KRIT1: variants seen among roughly 807,000 people sequenced by gnomAD.
The protein encoded by KRIT1 is KRIT1 ankyrin repeat containing, also known as krev interaction trapped protein 1.
In KRIT1, 45 loss-of-function variants were observed where a neutral mutation model predicts 95.8. That is an observed-to-expected ratio of 0.47 (90% CI 0.37 to 0.60). KRIT1 has a LOEUF of 0.60. Ranked by LOEUF, KRIT1 falls within the 20% of genes least tolerant of loss-of-function variation. The pLI is 0.00. For synonymous variants in KRIT1, 282 were observed against 278.8 expected (o/e 1.01, Z -0.11); for missense variants, 788 against 877.5 (o/e 0.90, Z 1.29).
chr7:92,242,246 C>T, intron 3 of KRIT1, 109 bp from the exon 4 acceptor site: 4 of 720,752 alleles, frequency 5.5e-6, no homozygotes, highest in Non-Finnish European at 9.9e-6. Context: ...TCCACATAAT[C>T]ATGTCGAAAA....
At chr7:92,239,981 T>C (rs1444795124) in intron 5 of KRIT1, among the ~76,000 whole-genome samples, 2 of 152,182 alleles carry the variant, frequency 1.3e-5, no homozygotes, top group East Asian at 3.9e-4. Flanking sequence ...AGTGCTGGGA[T>C]TACAGACGTG....
Position 92,214,593 on chromosome 7 carries a change from A to G in KRIT1, c.1730+18T>C. On this transcript the variant is annotated intron_variant, in intron 15 of 18. Transcript: ENST00000394505. The stretch of plus-strand genomic sequence containing the variant: ...TCTTAAGCATAGCACAAGACCATGC[A>G]TAATATTAAATACTTACTTTAGGAA... The G allele has an allele frequency of 6.4e-7, 1 of 1,567,126 alleles. No homozygotes were observed. The highest frequency in any genetic ancestry group is 2.2e-5 in the East Asian group (1 of 44,474).
At chr7:92,200,971 T>G (rs1790003768) in intron 18 of KRIT1, among the ~76,000 whole-genome samples, 167 bp from the exon 19 acceptor site, 1 of 152,106 alleles carries the variant, frequency 6.6e-6, no homozygotes, top group Non-Finnish European at 1.5e-5. Context: ...CTTTTTGAAG[T>G]GACTTAAGAA....
rs546739604 is a variant in KRIT1, at chr7:92,226,452, A to G, written c.1146+74T>C. On this transcript the variant is annotated intron_variant, in intron 11 of 18. Transcript: ENST00000394505. ...TTTCAGATGAACTCTCAAACATACAATTTAACATTTTAGTGTCATTACTTG... is the reference window on the plus strand; with the variant it reads ...TTTCAGATGAACTCTCAAACATACAGTTTAACATTTTAGTGTCATTACTTG... The G allele has an allele frequency of 9.1e-5, 103 of 1,131,822 alleles. No individual in the cohort carries two copies. The African/African-American group carries it at 1.3e-3, about 15-fold the overall frequency. The allele number at this position is 1,131,822 out of a possible 1,614,324, so 70.1% of individuals were successfully genotyped here. A position where few individuals can be genotyped will look rare whatever the true frequency, so the allele number is the denominator to read the frequency against.
chr7:92,243,604 T>C (rs1015148148), intron 3 of KRIT1, among the ~76,000 whole-genome samples: 7 of 152,142 alleles, frequency 4.6e-5, no homozygotes, highest in African/African-American at 1.7e-4. Flanking sequence ...AAAATGTCAC[T>C]CTGTAACTTT....
At position 92,205,344 on chromosome 7, in the gene KRIT1, TCAA is replaced by T. The variant is rs375841118; in HGVS notation, c.2026-3924_2026-3922del. 9.2e-5 allele frequency among the ~76,000 whole-genome samples: 14 copies of T among 151,654 alleles called. 1 individual carries two copies. Among genetic ancestry groups the T allele is most frequent in the African/African-American group, 2.4e-4 (10 of 41,360 alleles). On this transcript the variant is annotated intron_variant, in intron 17 of 18. Coordinates refer to ENST00000394505, the MANE Select transcript of KRIT1 (RefSeq NM_194454.3). ...CTGGGCAACAAAAGCGAAACTCATC[TCAA>T]CAACAACAACAACAAAAAAGACACA...
intron 10 of KRIT1, 44 bp from the exon 11 acceptor site, chr7:92,226,726 C>A (rs760306650): frequency 1.0e-4 from 165 of 1,574,490 alleles, no homozygotes; most frequent in Non-Finnish European, 1.4e-4. Flanking sequence ...ACAAAAAAAA[C>A]TTACCTAAAA....
chr7:92,237,795 A>G, intron 5 of KRIT1, 36 bp from the exon 6 acceptor site: 1 of 1,040,396 alleles, frequency 9.6e-7, no homozygotes, highest in Non-Finnish European at 1.5e-6. Context: ...AACAAAAATA[A>G]TACACTTTTA....
intron 12 of KRIT1, among the ~76,000 whole-genome samples, chr7:92,225,382 A>C (rs1269914025): frequency 6.6e-6 from 1 of 152,078 alleles, no homozygotes; most frequent in African/African-American, 2.4e-5. Context: ...ATCTTGGCTC[A>C]CTGCAACCTC....
chr7:92,223,392 G>T (rs1736663513), intron 12 of KRIT1, among the ~76,000 whole-genome samples: 1 of 148,390 alleles, frequency 6.7e-6, no homozygotes, highest in African/African-American at 2.5e-5. Flanking sequence ...GCAGTGAGCT[G>T]AGATTGCGCG....
chr7:92,213,506 C>G, intron 16 of KRIT1, 105 bp from the exon 17 acceptor site: 1 of 734,050 alleles, frequency 1.4e-6, no homozygotes, highest in South Asian at 1.7e-5. Context: ...TCAAGATTGC[C>G]CCTAAAGAAT....
At position 92,204,142 on chromosome 7, in the gene KRIT1, T is replaced by C. The variant is rs903683085; in HGVS notation, c.2026-2719A>G. The C allele has an allele frequency of 2.0e-5, 3 of 151,882 alleles. No individual in the cohort carries two copies. In the East Asian group the frequency reaches 5.9e-4, roughly 30 times the overall value. 9.4% of individuals were successfully genotyped at this position (151,882 alleles called of 1,614,324 possible). Reference sequence around the variant, plus strand: ...TGGGTGTGGTGGCATATGCCTGTAGTCCCAACTACTTGGGAGGCTGAGGCA... The same window carrying C: ...TGGGTGTGGTGGCATATGCCTGTAGCCCCAACTACTTGGGAGGCTGAGGCA... On this transcript the variant is annotated intron_variant, in intron 17 of 18. Coordinates refer to ENST00000394505, the MANE Select transcript of KRIT1 (RefSeq NM_194454.3).
At chr7:92,202,786 G>T (rs1424319623) in intron 17 of KRIT1, among the ~76,000 whole-genome samples, 3 of 152,114 alleles carry the variant, frequency 2.0e-5, no homozygotes, top group African/African-American at 7.2e-5. Context: ...ATTTATGTGA[G>T]TATACATTAA....
chr7:92,234,933 G>A lies in KRIT1; in HGVS notation c.730-10C>T. ...TTACCACTTTATCTACCTAGAAAGG[G>A]AAAACAATAACAAAAACCCATTAAG... On this transcript the variant is annotated splice_polypyrimidine_tract_variant and intron_variant, in intron 8 of 18. Transcript: ENST00000394505. The A allele has an allele frequency of 8.0e-7, 1 of 1,250,388 alleles. No homozygotes were observed. Among genetic ancestry groups the A allele is most frequent in the African/African-American group, 1.5e-5 (1 of 67,968 alleles). The allele number at this position is 1,250,388 out of a possible 1,614,324, so 77.5% of individuals were successfully genotyped here. A position where few individuals can be genotyped will look rare whatever the true frequency, so the allele number is the denominator to read the frequency against.
At chr7:92,222,242 GAATT>G (rs1197661075) in intron 13 of KRIT1, among the ~76,000 whole-genome samples, 189 bp from the exon 14 acceptor site, 1 of 151,826 alleles carries the variant, frequency 6.6e-6, no homozygotes, top group Non-Finnish European at 1.5e-5. Flanking sequence ...AAGAATATAA[GAATT>G]ATTAAAAATA....
chr7:92,201,697 CCT>C (rs915762549), intron 17 of KRIT1: 29 of 358,448 alleles, frequency 8.1e-5, no homozygotes, highest in African/African-American at 3.0e-4. Flanking sequence ...CCCCCTACCC[CCT>C]GAGAGACCCC....
Position 92,200,743 on chromosome 7 carries a change from T to C in KRIT1, c.2204A>G (p.Asn735Ser). ...GTAACAGTTACTTCTCTTTCATGAA[T>C]TTCTTTCAGTGGGCATTAACTGTCC... ...LNGQLMPTERNS is the reference protein window; with the variant it reads ...LNGQLMPTERSS The change falls in exon 19 of 19, where the codon AAT becomes AGT. Residue 735 changes from asparagine (N) to serine (S), a missense_variant. By Grantham distance (46) the Asn-to-Ser change is conservative. Around this residue, in one of 3 missense-constraint regions of KRIT1, gnomAD observed 493 missense variants for 582.3 expected, o/e 0.85. Transcript: ENST00000394505. 6.2e-7 allele frequency: 1 copy of C among 1,600,212 alleles called. No homozygotes were observed. The highest frequency in any genetic ancestry group is 8.6e-7 in the Non-Finnish European group (1 of 1,167,306).
In KRIT1 at chr7:92,222,026, G is replaced by C. The variant is rs1457775920; in HGVS notation, c.1439C>G (p.Pro480Arg). 1 of 1,613,362 alleles carries C rather than the reference G, an allele frequency of 6.2e-7. No individual in the cohort carries two copies. The highest frequency in any genetic ancestry group is 8.5e-7 in the Non-Finnish European group (1 of 1,179,600). Residue 480 changes from proline (P) to arginine (R), a missense_variant, in exon 14 of 19, where the codon CCC (proline) becomes CGC (arginine). By Grantham distance (103) the Pro-to-Arg change is moderately radical. Transcript: ENST00000394505. ...TGGCCAGTCACGAACATGTTGCAAG[G>C]GTTTATGATATGGTTTGAGTTGAAG... Reference protein sequence around the residue: ...LSLQLKPYHKPLQHVRDWPEI... With the variant: ...LSLQLKPYHKRLQHVRDWPEI...
chr7:92,245,374 C>T (rs534475079), intron 1 of KRIT1: 5 of 151,846 alleles, frequency 3.3e-5, no homozygotes, highest in Admixed American at 2.0e-4. Flanking sequence ...AGTTTCCACC[C>T]AAAAAGTGGC....
Sources: gnomAD v4.1 joint callset for allele counts (sites outside exome capture counted in the v4.1 genomes callset) on GRCh38, gnomAD v4.1.1 for gene constraint, gnomAD v4.1.1 regional missense constraint, MANE v1.5 for transcripts, NCBI Gene and HGNC (gene_info 2026-07-23, HGNC 2026-07-21) for gene names.